The following MAGEA4 variants were observed in gnomAD, a reference collection of about 807,000 sequenced individuals.
The protein encoded by MAGEA4 is MAGE family member A4, also known as melanoma-associated antigen 4.
A neutral mutation model predicts 13.7 loss-of-function variants in MAGEA4; 1 was observed. That is an observed-to-expected ratio of 0.07 (90% CI 0.03 to 0.35). The LOEUF is 0.35. Ranked by LOEUF, MAGEA4 falls within the 10% of genes least tolerant of loss-of-function variation. MAGEA4 has a pLI of 0.99. For synonymous variants in MAGEA4, 132 were observed against 101.1 expected (o/e 1.31, Z -1.83); for missense variants, 312 against 245.1 (o/e 1.27, Z -1.82).
rs199755286 is a variant in MAGEA4, at chrX:151,924,000, C to G, written c.336C>G (p.Asn112Lys). ...CCTTGTTCCGAGAAGCACTCAGTAA[C>G]AAGGTGGATGAGTTGGCTCATTTTC... ...AESLFREALS[N>K]KVDELAHFLL... The change falls in exon 3 of 3, where the codon AAC (asparagine) becomes AAG (lysine). Residue 112 changes from asparagine to lysine, a missense_variant. Physicochemically the swap from Asn to Lys is moderately conservative, Grantham distance 94. Coordinates refer to ENST00000276344, the MANE Select transcript of MAGEA4 (RefSeq NM_001011548.1). 4 of 1,210,752 alleles carry G rather than the reference C, an allele frequency of 3.3e-6. No individual in the cohort carries two copies. Among genetic ancestry groups the G allele is most frequent in the Non-Finnish European group, 4.5e-6 (4 of 895,392 alleles).
rs143502348 is a variant in MAGEA4, at chrX:151,924,330, C to A, written c.666C>A (p.Ile222=). The change falls in exon 3 of 3, where the codon ATC becomes ATA. Residue 222 remains isoleucine (I), a synonymous_variant. Coordinates refer to ENST00000276344, the MANE Select transcript of MAGEA4 (RefSeq NM_001011548.1). The stretch of plus-strand genomic sequence containing the variant: ...GCGACAGCGCCTCTGAGGAGGAAAT[C>A]TGGGAGGAGCTGGGTGTGATGGGGG... ...MEGDSASEEE[I]WEELGVMGVY... The A allele has an allele frequency of 2.5e-6, 3 of 1,209,258 alleles. No homozygotes were observed. In the African/African-American group the frequency reaches 5.2e-5, roughly 21 times the overall value.
Position 151,924,909 on chromosome X carries a change from T to A in MAGEA4, c.*291T>A. 1 of 243,882 alleles carries A rather than the reference T, an allele frequency of 4.1e-6. No homozygotes were observed. Among genetic ancestry groups the A allele is most frequent in the Non-Finnish European group, 7.6e-6 (1 of 130,880 alleles). 20.1% of individuals were successfully genotyped at this position (243,882 alleles called of 1,213,427 possible). On this transcript the variant is annotated 3_prime_UTR_variant, in exon 3 of 3. Transcript: ENST00000276344. ...AACGTATATTGCTGTTAATATAGTT[T>A]AGGAGTAAGAGTCTTGTTTTTTATT...
intron 1 of MAGEA4, among the ~76,000 whole-genome samples, chrX:151,920,956 A>C (rs939155724): frequency 8.0e-4 from 88 of 109,880 alleles, no homozygotes; most frequent in Non-Finnish European, 1.5e-3. Context: ...GCTGCTCCCC[A>C]CCTCCGCCCC....
rs749487190 is a variant in MAGEA4, at chrX:151,924,343, G to A, written c.679G>A (p.Gly227Ser). 20 of 1,209,298 alleles carry A rather than the reference G, an allele frequency of 1.7e-5. No individual in the cohort carries two copies. The African/African-American group carries it at 2.5e-4, about 15-fold the overall frequency. The change falls in exon 3 of 3, where the codon GGT becomes AGT. Residue 227 changes from glycine to serine, a missense_variant. Gly to Ser is a moderately conservative substitution (Grantham distance 56, BLOSUM62 0). Transcript: ENST00000276344. ...ASEEEIWEEL[G>S]VMGVYDGREH... is the part of the protein sequence containing the mutation. Reference sequence around the variant, plus strand: ...TGAGGAGGAAATCTGGGAGGAGCTGGGTGTGATGGGGGTGTATGATGGGAG... The same window carrying A: ...TGAGGAGGAAATCTGGGAGGAGCTGAGTGTGATGGGGGTGTATGATGGGAG...
At chrX:151,920,778 G>A (rs1200765357) in intron 1 of MAGEA4, among the ~76,000 whole-genome samples, 1 of 109,215 alleles carries the variant, frequency 9.2e-6, no homozygotes, top group Non-Finnish European at 1.9e-5. Context: ...GGGTTAGAGA[G>A]AAGTGAGTTT....
chrX:151,919,283 C>T (rs1272938752), intron 1 of MAGEA4, among the ~76,000 whole-genome samples: 2 of 95,326 alleles, frequency 2.1e-5, no homozygotes, highest in South Asian at 5.6e-4. Flanking sequence ...GAGGGCTAAG[C>T]GTACCCCACC....
intron 1 of MAGEA4, chrX:151,919,598 C>A: frequency 4.1e-6 from 3 of 733,627 alleles, no homozygotes; most frequent in Non-Finnish European, 4.8e-6. Context: ...CCAAGAAAGC[C>A]GCAGGTGCCG....
rs752763771 is a variant in MAGEA4 at position 151,924,565 on chromosome X, G to T, written c.901G>T (p.Ala301Ser). 51 of 1,202,835 alleles carry T rather than the reference G, an allele frequency of 4.2e-5. No homozygotes were observed. Among genetic ancestry groups the T allele is most frequent in the East Asian group, 1.5e-4 (5 of 33,718 alleles). Residue 301 changes from alanine (A) to serine (S), a missense_variant, in exon 3 of 3, where the codon GCC becomes TCC. Ala to Ser is a moderately conservative substitution (Grantham distance 99, BLOSUM62 1). Transcript: ENST00000276344. ...CAGGGTCAATGCAAGAGTTCGCATTGCCTACCCATCCCTGCGTGAAGCAGC... is the reference window on the plus strand; with the variant it reads ...CAGGGTCAATGCAAGAGTTCGCATTTCCTACCCATCCCTGCGTGAAGCAGC... The part of the protein sequence containing the change: ...VVRVNARVRI[A>S]YPSLREAALL...
chrX:151,919,753 C>A (rs1287544467), intron 1 of MAGEA4: 3 of 750,122 alleles, frequency 4.0e-6, no homozygotes, highest in Non-Finnish European at 3.1e-6. Context: ...TCAGGAGGCC[C>A]CCACCGCAGA....
chrX:151,921,989 G>T (rs1410008928), intron 1 of MAGEA4, among the ~76,000 whole-genome samples: 1 of 111,786 alleles, frequency 8.9e-6, no homozygotes, highest in Non-Finnish European at 1.9e-5. Context: ...GATTCAGGGG[G>T]CCTTGCATTC....
chrX:151,918,090 A>T (rs1380106370), intron 1 of MAGEA4: 1 of 22,580 alleles, frequency 4.4e-5, no homozygotes, highest in Non-Finnish European at 7.8e-5. Flanking sequence ...CACCAACCTC[A>T]CCCCTCCCAC....
At chrX:151,919,552 A>T (rs746639083) in intron 1 of MAGEA4, 10 of 424,006 alleles carry the variant, frequency 2.4e-5, no homozygotes, top group Admixed American at 6.4e-4. Context: ...TCCCACCCCC[A>T]TCCACGCTGA....
At chrX:151,912,690 C>T, upstream of MAGEA4, 1 of 214,058 alleles carries the variant, frequency 4.7e-6, no homozygotes, top group South Asian at 4.5e-5. Context: ...AGCACCCCAT[C>T]CTCCCCAACC....
At chrX:151,912,842 G>A, upstream of MAGEA4, 1 of 130,444 alleles carries the variant, frequency 7.7e-6, no homozygotes, top group Non-Finnish European at 1.4e-5. Context: ...ACCAAGGAAA[G>A]CCCCAGCTGC....
rs755096827 is a variant in MAGEA4 at position 151,920,696 on chromosome X, C to T, written c.-137-2757C>T. ...CCTTCATCCCCATCAGCGCAGCATC[C>T]GGTTCCACCCCTGCTTTCAATCCAG... On this transcript the variant is annotated intron_variant, in intron 1 of 2. Transcript: ENST00000276344. Among the ~76,000 whole-genome samples the T allele has an allele frequency of 1.2e-3, 125 of 101,909 alleles. 2 individuals carry two copies. The highest frequency in any genetic ancestry group is 2.1e-3 in the Non-Finnish European group (105 of 49,944). 88.5% of individuals were successfully genotyped at this position (101,909 alleles called of 115,157 possible).
chrX:151,912,749 TCCCCCACCCCACACCTGCA>T (rs1932961192), upstream of MAGEA4: 3 of 75,001 alleles, frequency 4.0e-5, no homozygotes, highest in South Asian at 3.2e-4. Context: ...CGCACCCTCA[TCCCCCACCCCACACCTGCA>T]CCCCCACCCC....
chrX:151,918,868 A>T, intron 1 of MAGEA4: 1 of 385,530 alleles, frequency 2.6e-6, no homozygotes, highest in Non-Finnish European at 3.0e-6. Flanking sequence ...TCCCACCCCC[A>T]TCCACGCTGA....
intron 1 of MAGEA4, among the ~76,000 whole-genome samples, chrX:151,920,236 C>A (rs1041838229): frequency 9.1e-6 from 1 of 110,208 alleles, no homozygotes; most frequent in Non-Finnish European, 1.9e-5. Flanking sequence ...GTCTGACAGG[C>A]AGCTTGGGAT....
chrX:151,921,381 C>T (rs966378122), intron 1 of MAGEA4, among the ~76,000 whole-genome samples: 4 of 112,360 alleles, frequency 3.6e-5, no homozygotes, highest in African/African-American at 9.7e-5. Context: ...GAGGCCCCCA[C>T]CCAAGATAGA....
Sources: gnomAD v4.1 joint callset for allele counts (sites outside exome capture counted in the v4.1 genomes callset) on GRCh38, gnomAD v4.1.1 for gene constraint, MANE v1.5 for transcripts, NCBI Gene and HGNC (gene_info 2026-07-23, HGNC 2026-07-21) for gene names.